Variants in SLC26A7 observed in about 807,000 individuals in gnomAD.
SLC26A7 encodes solute carrier family 26 member 7.
A neutral mutation model predicts 82.5 loss-of-function variants in SLC26A7; 59 were observed. That is an observed-to-expected ratio of 0.72 (90% CI 0.58 to 0.89). SLC26A7 has a LOEUF of 0.89. SLC26A7 is among the 40% of genes least tolerant of loss of function. SLC26A7 has a pLI of 0.00. For synonymous variants in SLC26A7, 271 were observed against 274.3 expected (o/e 0.99, Z 0.12); for missense variants, 820 against 793.0 (o/e 1.03, Z -0.41).
chr8:91,312,633 A>T (rs1337994658), intron 4 of SLC26A7, among the ~76,000 whole-genome samples: 1 of 106,018 alleles, frequency 9.4e-6, no homozygotes, highest in Non-Finnish European at 1.9e-5. Context: ...GTGTGTATGT[A>T]GGTGTGTCTG....
Position 91,389,217 on chromosome 8 carries a change from A to G in SLC26A7, c.1676-121A>G, listed in dbSNP as rs997919848. 8.8e-6 allele frequency: 6 copies of G among 682,822 alleles called. No homozygotes were observed. The African/African-American group carries it at 9.0e-5, about 10-fold the overall frequency. The allele number at this position is 682,822 out of a possible 1,614,324, so 42.3% of individuals were successfully genotyped here. ...AATTTACTGAAAAATGTAAAAATTA[A>G]AAGTGTTTAGAATTACTGTTGTTAA... On this transcript the variant is annotated intron_variant, in intron 15 of 18. Transcript: ENST00000276609.
intron 3 of SLC26A7, among the ~76,000 whole-genome samples, chr8:91,293,803 G>C (rs183978218): frequency 3.8e-4 from 58 of 152,230 alleles, no homozygotes; most frequent in Non-Finnish European, 7.4e-5. Context: ...TGCTCTAGGA[G>C]ATTTAGACAC....
chr8:91,276,046 T>C (rs1811397766), intron 2 of SLC26A7, among the ~76,000 whole-genome samples: 1 of 152,210 alleles, frequency 6.6e-6, no homozygotes, highest in Non-Finnish European at 1.5e-5. Context: ...ATGATGGCTG[T>C]ATATAATAAA....
At chr8:91,217,497 G>A (rs2130657396) in intron 1 of SLC26A7, among the ~76,000 whole-genome samples, 1 of 152,264 alleles carries the variant, frequency 6.6e-6, no homozygotes, top group Non-Finnish European at 1.5e-5. Context: ...ATGTCCTGGG[G>A]CTGATGTTCA....
chr8:91,366,727 A>G lies in SLC26A7; in HGVS notation c.1626+10A>G, dbSNP rs772403198. ...TGATGATATCAGCAAGGTAGGATCA[A>G]TGGTTTGATTAGAATGTCATACTAC... On this transcript the variant is annotated intron_variant, in intron 14 of 18. Transcript: ENST00000276609. The G allele has an allele frequency of 6.2e-6, 10 of 1,606,602 alleles. No homozygotes were observed. In the East Asian group the frequency reaches 2.2e-4, roughly 36 times the overall value.
chr8:91,380,246 C>A (rs140864358), intron 15 of SLC26A7, among the ~76,000 whole-genome samples: 3 of 151,802 alleles, frequency 2.0e-5, no homozygotes, highest in African/African-American at 7.3e-5. Flanking sequence ...TGTTTATGAC[C>A]GGCAGTGTTT....
intron 5 of SLC26A7, among the ~76,000 whole-genome samples, chr8:91,322,090 A>G (rs1157878716): frequency 1.3e-5 from 2 of 152,160 alleles, no homozygotes; most frequent in Non-Finnish European, 2.9e-5. Flanking sequence ...CTTTTCCTCT[A>G]TAGAGGACTC....
At position 91,316,451 on chromosome 8, in the gene SLC26A7, ATTTTTTTTTTTTTTTT is replaced by A. The variant is rs58981485; in HGVS notation, c.478-1741_478-1726del. On this transcript the variant is annotated intron_variant, in intron 4 of 18. Coordinates refer to ENST00000276609, the MANE Select transcript of SLC26A7 (RefSeq NM_052832.4). ...GAACTCGCTGCCACACTCAACACTA[ATTTTTTTTTTTTTTTT>A]TTTTTTTTTTTTTTTTTTTTTTTAG... Among the ~76,000 whole-genome samples the A allele has an allele frequency of 5.0e-3, 172 of 34,416 alleles. 1 individual carries two copies. The highest frequency in any genetic ancestry group is 0.015 in the East Asian group (17 of 1,098). 22.6% of individuals were successfully genotyped at this position (34,416 alleles called of 152,430 possible). A position where few individuals can be genotyped will look rare whatever the true frequency, so the allele number is the denominator to read the frequency against.
At chr8:91,285,630 G>A (rs947501620) in intron 2 of SLC26A7, among the ~76,000 whole-genome samples, 1 of 152,302 alleles carries the variant, frequency 6.6e-6, no homozygotes, top group South Asian at 2.1e-4. Context: ...CATTTCTGGG[G>A]CAGTAAATTC....
Position 91,271,513 on chromosome 8 carries a change from G to C in SLC26A7, c.194-17623G>C, listed in dbSNP as rs1353537981. On this transcript the variant is annotated intron_variant, in intron 2 of 18. Transcript: ENST00000276609. ...TTCTTCATCTGAATGCAAAGTTAGA[G>C]ATAAAGAACCAAAGTATGTGGGGAG... 6.0e-5 allele frequency among the ~76,000 whole-genome samples: 9 copies of C among 150,598 alleles called. No homozygotes were observed. The East Asian group carries it at 1.8e-3, about 30-fold the overall frequency.
intron 11 of SLC26A7, among the ~76,000 whole-genome samples, chr8:91,361,567 A>C (rs191404843): frequency 1.1e-3 from 173 of 152,286 alleles, no homozygotes; most frequent in African/African-American, 3.9e-3. Flanking sequence ...TGTTAAGAAA[A>C]TATAACCTGG....
intron 2 of SLC26A7, among the ~76,000 whole-genome samples, chr8:91,254,093 G>A (rs1810736029): frequency 6.6e-6 from 1 of 152,036 alleles, no homozygotes; most frequent in Non-Finnish European, 1.5e-5. Flanking sequence ...CAGGCCTCCT[G>A]ACAAATCTGG....
At chr8:91,368,511 A>C (rs1586461335) in intron 14 of SLC26A7, among the ~76,000 whole-genome samples, 1 of 147,406 alleles carries the variant, frequency 6.8e-6, no homozygotes, top group Non-Finnish European at 1.5e-5. Flanking sequence ...CTCCACCTCC[A>C]GGGTTCACGC....
intron 2 of SLC26A7, among the ~76,000 whole-genome samples, chr8:91,276,631 A>G (rs564917479): frequency 6.6e-6 from 1 of 152,218 alleles, no homozygotes; most frequent in African/African-American, 2.4e-5. Flanking sequence ...ATTGGGTTTT[A>G]TGGGGGTTAG....
At chr8:91,339,353 C>T (rs1586428564) in intron 7 of SLC26A7, among the ~76,000 whole-genome samples, 1 of 151,998 alleles carries the variant, frequency 6.6e-6, no homozygotes, top group Non-Finnish European at 1.5e-5. Flanking sequence ...CAGACCCATC[C>T]GCTAAAGGAA....
At position 91,314,461 on chromosome 8, in the gene SLC26A7, G is replaced by C. The variant is rs540451896; in HGVS notation, c.478-3755G>C. On this transcript the variant is annotated intron_variant, in intron 4 of 18. Coordinates refer to ENST00000276609, the MANE Select transcript of SLC26A7 (RefSeq NM_052832.4). ...CAGTGTGAATTAGCTATTAAAATTT[G>C]AGTGGTGGGAAAGAGGGAGTTCTTA... Among the ~76,000 whole-genome samples, 101 of 152,242 alleles carry C rather than the reference G, an allele frequency of 6.6e-4. 3 individuals are homozygous for C. In the South Asian group the frequency reaches 0.021, roughly 31 times the overall value.
At chr8:91,389,121 T>C (rs1814882427) in intron 15 of SLC26A7, among the ~76,000 whole-genome samples, 1 of 152,176 alleles carries the variant, frequency 6.6e-6, no homozygotes, top group African/African-American at 2.4e-5. Flanking sequence ...GTCTTCTTCT[T>C]TGAGTCATGT....
chr8:91,325,202 C>T (rs1812899590), intron 5 of SLC26A7, among the ~76,000 whole-genome samples: 1 of 152,098 alleles, frequency 6.6e-6, no homozygotes. Flanking sequence ...TTATTTTCCT[C>T]ATGTGTTAAA....
At chr8:91,318,126 T>C (rs1812691689) in intron 4 of SLC26A7, 90 bp from the exon 5 acceptor site, 2 of 1,110,164 alleles carry the variant, frequency 1.8e-6, no homozygotes, top group South Asian at 1.6e-5. Context: ...TTCTATCAAA[T>C]GAAAATGAGA....
Sources: gnomAD v4.1 joint callset for allele counts (sites outside exome capture counted in the v4.1 genomes callset) on GRCh38, gnomAD v4.1.1 for gene constraint, MANE v1.5 for transcripts, NCBI Gene and HGNC (gene_info 2026-07-23, HGNC 2026-07-21) for gene names.